ERGIC1: variants seen among roughly 807,000 people sequenced by gnomAD.
ERGIC1 encodes endoplasmic reticulum-Golgi intermediate compartment protein 1.
A neutral mutation model predicts 38.3 loss-of-function variants in ERGIC1; 19 were observed. The ratio of observed to expected loss-of-function variants is 0.50; its 90% CI spans 0.35 to 0.73. ERGIC1 has a LOEUF of 0.73. Among genes scored for constraint, ERGIC1 ranks in the 30% least tolerant of loss-of-function variants. The pLI, the probability that ERGIC1 is intolerant of heterozygous loss-of-function variation, is 0.01. For missense variants in ERGIC1, 294 were observed against 389.2 expected, an observed-to-expected ratio of 0.76 and a Z score of 2.06; for synonymous variants, 124 against 157.6, an observed-to-expected ratio of 0.79 and a Z score of 1.60.
chr5:172,877,410 A>ATGTGTGTG (rs34909688), intron 1 of ERGIC1, among the ~76,000 whole-genome samples: 1,179 of 102,258 alleles, frequency 0.012, 14 homozygotes, highest in Middle Eastern at 0.03. Flanking sequence ...TATTATATAT[A>ATGTGTGTG]TGTGTGTGTG....
intron 1 of ERGIC1, among the ~76,000 whole-genome samples, chr5:172,881,997 C>T (rs1762297164): frequency 1.3e-5 from 2 of 151,724 alleles, no homozygotes; most frequent in African/African-American, 4.9e-5. Flanking sequence ...GAGGACGGCT[C>T]ACTTCCTGGT....
intron 3 of ERGIC1, chr5:172,897,743 G>C (rs538387063): frequency 2.2e-4 from 89 of 413,334 alleles, no homozygotes; most frequent in Non-Finnish European, 2.7e-4. Flanking sequence ...GAAGAGTTCA[G>C]TGAAACTAAT....
intron 9 of ERGIC1, among the ~76,000 whole-genome samples, chr5:172,946,392 C>T (rs1484037662): frequency 6.6e-6 from 1 of 152,244 alleles, no homozygotes; most frequent in Non-Finnish European, 1.5e-5. Context: ...GCCCTCCCCT[C>T]CGTGAGTTCC....
rs1470850969 is a variant in ERGIC1, at chr5:172,950,711, C to T, written c.768C>T (p.Ile256=). Reference sequence around the variant, plus strand: ...ACCCCACCCCTGCCCTCTTGCAGATCTGTGCCATCATTGGCGGGACCTTCA... The same window carrying T: ...ACCCCACCCCTGCCCTCTTGCAGATTTGTGCCATCATTGGCGGGACCTTCA... The part of the protein sequence containing the change: ...RQPLYRFITT[I]CAIIGGTFTV... The change falls in exon 10 of 10, where the codon ATC becomes ATT. Residue 256 remains isoleucine, a splice_region_variant and synonymous_variant. Transcript: ENST00000393784. 3 of 1,611,820 alleles carry T rather than the reference C, an allele frequency of 1.9e-6. No individual in the cohort carries two copies. Among genetic ancestry groups the T allele is most frequent in the African/African-American group, 2.7e-5 (2 of 75,032 alleles).
chr5:172,871,952 C>T (rs931947060), intron 1 of ERGIC1, among the ~76,000 whole-genome samples: 3 of 152,250 alleles, frequency 2.0e-5, no homozygotes, highest in African/African-American at 7.2e-5. Flanking sequence ...ATTCTGACCC[C>T]TTTCCTAAAG....
chr5:172,949,327 T>C (rs1764184537), intron 9 of ERGIC1, among the ~76,000 whole-genome samples: 1 of 152,170 alleles, frequency 6.6e-6, no homozygotes, highest in African/African-American at 2.4e-5. Flanking sequence ...TGCTGTGGCA[T>C]TGGACGAGGG....
rs1031901439 is a variant in ERGIC1 at position 172,864,418 on chromosome 5, A to G, written c.21-24281A>G. Among the ~76,000 whole-genome samples the G allele has an allele frequency of 7.2e-5, 11 of 151,862 alleles. 1 individual carries two copies. Among genetic ancestry groups the G allele is most frequent in the African/African-American group, 2.7e-4 (11 of 41,434 alleles). The stretch of plus-strand genomic sequence containing the variant: ...TCAGTAGCTGGGATTACAGGCACGT[A>G]CCACCACACCTGGCTGATTTTTGTA... On this transcript the variant is annotated intron_variant, in intron 1 of 9. Coordinates refer to ENST00000393784, the MANE Select transcript of ERGIC1 (RefSeq NM_001031711.3).
At chr5:172,874,754 C>T (rs1481137070) in intron 1 of ERGIC1, among the ~76,000 whole-genome samples, 1 of 151,674 alleles carries the variant, frequency 6.6e-6, no homozygotes, top group Non-Finnish European at 1.5e-5. Flanking sequence ...GGCAAAACCC[C>T]GTCTCTACAA....
At position 172,926,239 on chromosome 5, in the gene ERGIC1, A is replaced by G. The variant is rs537020934; in HGVS notation, c.481-270A>G. 6.6e-5 allele frequency among the ~76,000 whole-genome samples: 10 copies of G among 152,350 alleles called. No individual in the cohort carries two copies. The highest frequency in any genetic ancestry group is 4.4e-5 in the Non-Finnish European group (3 of 68,030). ...ATTTGCTCTTCTGTAAAATGGGCCC[A>G]ATAATACATCATTAGGGGCATGAAA... is the stretch of plus-strand genomic sequence containing the variant. On this transcript the variant is annotated intron_variant, in intron 6 of 9. Transcript: ENST00000393784. The surrounding 1 kb of genome is among the most constrained non-coding windows in gnomAD (Gnocchi z 5.2).
At chr5:172,897,697 C>T in intron 3 of ERGIC1, 3 of 411,540 alleles carry the variant, frequency 7.3e-6, no homozygotes, top group Non-Finnish European at 8.8e-6. Flanking sequence ...CTTTTTTTCC[C>T]TCTGAATCAT....
intron 1 of ERGIC1, among the ~76,000 whole-genome samples, chr5:172,867,921 C>T (rs949999910): frequency 4.6e-5 from 7 of 152,108 alleles, no homozygotes; most frequent in African/African-American, 1.7e-4. Context: ...ACGTAATGCC[C>T]CTCCCCATTT....
chr5:172,943,234 T>G (rs1164957401), intron 9 of ERGIC1, among the ~76,000 whole-genome samples: 1 of 152,054 alleles, frequency 6.6e-6, no homozygotes, highest in Non-Finnish European at 1.5e-5. Context: ...TCTTGCGAGG[T>G]GGGGTGGATG....
chr5:172,914,655 G>A (rs373352183), intron 4 of ERGIC1, 59 bp from the exon 5 acceptor site: 1 of 1,613,324 alleles, frequency 6.2e-7, no homozygotes, highest in Middle Eastern at 1.6e-4. Context: ...AGAACAGGCT[G>A]GCCCCCATCC....
rs543755080 is a variant in ERGIC1 at position 172,834,267 on chromosome 5, AGGCGAGT to A, written c.-124_-118del. ...CGGAGCGTCACTTCCCGGCAGCGGG[AGGCGAGT>A]GGCGAGTGGCGAGTGGCGAGTGTCA... On this transcript the variant is annotated 5_prime_UTR_variant, in exon 1 of 10. Transcript: ENST00000393784. The surrounding 1 kb of genome is among the most constrained non-coding windows in gnomAD (Gnocchi z 4.1). 255 of 752,264 alleles carry A rather than the reference AGGCGAGT, an allele frequency of 3.4e-4. No homozygotes were observed. The highest frequency in any genetic ancestry group is 2.4e-3 in the African/African-American group (125 of 52,570). 46.6% of individuals were successfully genotyped at this position (752,264 alleles called of 1,614,324 possible).
At chr5:172,856,961 G>A (rs1761564185) in intron 1 of ERGIC1, among the ~76,000 whole-genome samples, 1 of 152,224 alleles carries the variant, frequency 6.6e-6, no homozygotes, top group South Asian at 2.1e-4. Context: ...CCTGTAGACA[G>A]CACTGGGGTA....
At chr5:172,893,935 G>GTGTGTGTGTGTATATATA (rs1429850022) in intron 2 of ERGIC1, among the ~76,000 whole-genome samples, 3 of 42,822 alleles carry the variant, frequency 7.0e-5, no homozygotes, top group Non-Finnish European at 1.4e-4. Context: ...GTGTGTGTGT[G>GTGTGTGTGTGTATATATA]TATATATATA....
At chr5:172,849,866 G>A (rs979191810) in intron 1 of ERGIC1, among the ~76,000 whole-genome samples, 2 of 152,298 alleles carry the variant, frequency 1.3e-5, no homozygotes, top group Admixed American at 1.3e-4. Context: ...GTGGGTAGGT[G>A]GTGATAGTAG....
intron 1 of ERGIC1, among the ~76,000 whole-genome samples, chr5:172,849,390 C>T (rs114118626): frequency 1.6e-3 from 247 of 152,252 alleles, no homozygotes; most frequent in African/African-American, 5.2e-3. Flanking sequence ...TTCTTAGGGT[C>T]AGGCAAGCTG....
chr5:172,925,054 A>C (rs1056685373), intron 6 of ERGIC1, among the ~76,000 whole-genome samples: 1 of 152,210 alleles, frequency 6.6e-6, no homozygotes, highest in Non-Finnish European at 1.5e-5. Context: ...CCTTGCCAAC[A>C]TGGTGAAACT....
Sources: gnomAD v4.1 joint callset for allele counts (sites outside exome capture counted in the v4.1 genomes callset) on GRCh38, gnomAD v4.1.1 for gene constraint, Gnocchi (gnomAD v3.1) non-coding constraint, MANE v1.5 for transcripts, NCBI Gene and HGNC (gene_info 2026-07-23, HGNC 2026-07-21) for gene names.